Variants in CTNNA3 observed in about 807,000 individuals in gnomAD.
CTNNA3 encodes catenin alpha-3.
Under a neutral mutation model 95.7 loss-of-function variants are expected in CTNNA3, and 76 were observed. The observed-to-expected ratio is 0.79, with a 90% CI of 0.66 to 0.96. The LOEUF (loss-of-function observed/expected upper bound fraction) is 0.96. Among genes scored for constraint, CTNNA3 ranks in the 40% least tolerant of loss-of-function variants. The pLI is 0.00. For missense variants in CTNNA3, 1,191 were observed against 1,089.8 expected (o/e 1.09, Z -1.31); for synonymous variants, 431 against 374.4 (o/e 1.15, Z -1.74).
chr10:66,877,917 T>G (rs1290121124), intron 7 of CTNNA3, among the ~76,000 whole-genome samples: 2 of 152,124 alleles, frequency 1.3e-5, no homozygotes, highest in Non-Finnish European at 2.9e-5. Flanking sequence ...AAATATTAAG[T>G]TTGAAAGTCT....
At chr10:66,222,734 G>T (rs1007309509) in intron 13 of CTNNA3, among the ~76,000 whole-genome samples, 1 of 147,816 alleles carries the variant, frequency 6.8e-6, no homozygotes, top group Non-Finnish European at 1.5e-5. Context: ...GGGGGAGAGA[G>T]AAAAAAATGA....
chr10:65,992,580 A>C (rs1429898603), intron 15 of CTNNA3, among the ~76,000 whole-genome samples: 1 of 152,062 alleles, frequency 6.6e-6, no homozygotes, highest in Non-Finnish European at 1.5e-5. Context: ...CTGTGATGTC[A>C]ATTGTAATGC....
At chr10:66,300,057 T>A (rs7919122) in intron 12 of CTNNA3, among the ~76,000 whole-genome samples, 42,352 of 151,268 alleles carry the variant, frequency 0.28, 6,366 homozygotes, top group African/African-American at 0.38. Flanking sequence ...CATGCCTGGC[T>A]AATTTTTTAT....
At chr10:66,038,161 C>T (rs866645370) in intron 15 of CTNNA3, among the ~76,000 whole-genome samples, 7 of 152,232 alleles carry the variant, frequency 4.6e-5, no homozygotes, top group Middle Eastern at 6.8e-3. Context: ...TATATGTAAC[C>T]CATGTATAAA....
At chr10:67,468,791 G>A (rs1847700566) in intron 5 of CTNNA3, among the ~76,000 whole-genome samples, 1 of 152,222 alleles carries the variant, frequency 6.6e-6, no homozygotes, top group East Asian at 1.9e-4. Flanking sequence ...AAGCTGCCCA[G>A]CAACCGGGAA....
At chr10:66,627,357 G>T (rs1844973687) in intron 9 of CTNNA3, among the ~76,000 whole-genome samples, 1 of 152,012 alleles carries the variant, frequency 6.6e-6, no homozygotes, top group Admixed American at 6.6e-5. Flanking sequence ...GGTCTAGCCT[G>T]GGCATATCCC....
chr10:66,856,423 T>C (rs1843685435), intron 7 of CTNNA3, among the ~76,000 whole-genome samples: 1 of 152,096 alleles, frequency 6.6e-6, no homozygotes, highest in African/African-American at 2.4e-5. Flanking sequence ...CTTGGGTATA[T>C]AACCAATAAT....
intron 1 of CTNNA3, among the ~76,000 whole-genome samples, chr10:67,717,944 C>G (rs1310822262): frequency 6.6e-6 from 1 of 152,140 alleles, no homozygotes; most frequent in Non-Finnish European, 1.5e-5. Flanking sequence ...TTCTTCCAAC[C>G]CACGAGCACA....
At chr10:67,491,358 C>G (rs1848642292) in intron 5 of CTNNA3, among the ~76,000 whole-genome samples, 1 of 152,190 alleles carries the variant, frequency 6.6e-6, no homozygotes, top group Admixed American at 6.5e-5. Flanking sequence ...TTCTCTATGA[C>G]TTCAAGGAGC....
chr10:66,802,075 C>T (rs1332873275), intron 7 of CTNNA3, among the ~76,000 whole-genome samples: 1 of 151,620 alleles, frequency 6.6e-6, no homozygotes, highest in African/African-American at 2.4e-5. Context: ...CTTTTTAATA[C>T]CACAAACAAA....
chr10:67,368,536 C>G (rs577369316), intron 5 of CTNNA3, among the ~76,000 whole-genome samples: 1 of 152,300 alleles, frequency 6.6e-6, no homozygotes, highest in South Asian at 2.1e-4. Flanking sequence ...ATCAAAATGT[C>G]TCTTTACACA....
chr10:67,657,453 A>G (rs1410528339), intron 1 of CTNNA3, among the ~76,000 whole-genome samples: 3 of 152,184 alleles, frequency 2.0e-5, no homozygotes, highest in Non-Finnish European at 2.9e-5. Flanking sequence ...CCACTATTGC[A>G]AGTGAATGGA....
At chr10:67,105,796 G>T (rs1394899252) in intron 7 of CTNNA3, among the ~76,000 whole-genome samples, 31 of 152,138 alleles carry the variant, frequency 2.0e-4, no homozygotes, top group Admixed American at 2.0e-3. Context: ...GCCCATACCA[G>T]CTCTAGTCTG....
intron 7 of CTNNA3, among the ~76,000 whole-genome samples, chr10:66,896,820 A>G (rs1297973216): frequency 1.3e-5 from 2 of 152,154 alleles, no homozygotes; most frequent in African/African-American, 4.8e-5. Flanking sequence ...TAACCTGGTT[A>G]ACTTCTGACC....
At chr10:66,277,641 T>C (rs890876025) in intron 13 of CTNNA3, among the ~76,000 whole-genome samples, 1 of 152,110 alleles carries the variant, frequency 6.6e-6, no homozygotes, top group Non-Finnish European at 1.5e-5. Flanking sequence ...CATAAGTTTA[T>C]GGATCATTTT....
intron 9 of CTNNA3, among the ~76,000 whole-genome samples, chr10:66,625,395 C>T (rs1339019354): frequency 2.0e-5 from 3 of 151,898 alleles, no homozygotes; most frequent in Non-Finnish European, 2.9e-5. Context: ...ATTTTATTTA[C>T]TTATTTATTT....
At chr10:66,989,538 C>T (rs551265839) in intron 7 of CTNNA3, among the ~76,000 whole-genome samples, 1 of 152,184 alleles carries the variant, frequency 6.6e-6, no homozygotes. Context: ...TGGGATTAGC[C>T]TGATACATGT....
chr10:67,634,112 T>C (rs759840209), intron 2 of CTNNA3, among the ~76,000 whole-genome samples: 2 of 152,128 alleles, frequency 1.3e-5, no homozygotes, highest in Non-Finnish European at 2.9e-5. Flanking sequence ...GGGAAGCCCA[T>C]CAGACTAACA....
chr10:66,178,994 A>C (rs2085888007), intron 13 of CTNNA3, among the ~76,000 whole-genome samples: 2 of 152,022 alleles, frequency 1.3e-5, no homozygotes, highest in Non-Finnish European at 1.5e-5. Context: ...AGAGTTTGGC[A>C]CTTTATTACA....
Sources: gnomAD v4.1 joint callset for allele counts (sites outside exome capture counted in the v4.1 genomes callset) on GRCh38, gnomAD v4.1.1 for gene constraint, MANE v1.5 for transcripts, NCBI Gene and HGNC (gene_info 2026-07-23, HGNC 2026-07-21) for gene names.